The following NCOA2 variants were observed in gnomAD, a reference collection of about 807,000 sequenced individuals.
The protein encoded by NCOA2 is class E basic helix-loop-helix protein 75.
A neutral mutation model predicts 145.1 loss-of-function variants in NCOA2; 21 were observed. The observed-to-expected ratio is 0.14, with a 90% CI of 0.10 to 0.21. The LOEUF (loss-of-function observed/expected upper bound fraction) is 0.21, where lower values mean the gene tolerates loss of function less well. Ranked by LOEUF, NCOA2 falls within the 10% of genes least tolerant of loss-of-function variation. The pLI is 1.00. For synonymous variants in NCOA2, 619 were observed against 637.5 expected (o/e 0.97, Z 0.44); for missense variants, 1,472 against 1,837.6 (o/e 0.80, Z 3.64).
At chr8:70,254,017 T>A (rs1177543208) in intron 2 of NCOA2, among the ~76,000 whole-genome samples, 3 of 152,132 alleles carry the variant, frequency 2.0e-5, no homozygotes, top group South Asian at 4.1e-4. Flanking sequence ...ACATCCAGAA[T>A]ATATGAAGAA....
At chr8:70,402,626 G>A (rs897075316) in intron 1 of NCOA2, 5 of 151,714 alleles carry the variant, frequency 3.3e-5, no homozygotes, top group Admixed American at 1.3e-4. Flanking sequence ...CCGGGTCCCC[G>A]TGCCCGGGGC....
At position 70,148,398 on chromosome 8, in the gene NCOA2, G is replaced by C; in HGVS notation, c.2480C>G (p.Pro827Arg). 6.2e-7 allele frequency: 1 copy of C among 1,613,930 alleles called. No individual in the cohort carries two copies. Among genetic ancestry groups the C allele is most frequent in the Non-Finnish European group, 8.5e-7 (1 of 1,179,880 alleles). ...QLPQLFPDTR[P>R]GAPAGSVDKQ... The stretch of plus-strand genomic sequence containing the variant: ...GTCAACTGATCCAGCAGGGGCGCCT[G>C]GCCTCGTGTCTGGGAAAAGCTGTGG... The change falls in exon 12 of 23, where the codon CCA becomes CGA. Residue 827 changes from proline (P) to arginine (R), a missense_variant. Physicochemically the swap from Pro to Arg is moderately radical, Grantham distance 103. Coordinates refer to ENST00000452400, the MANE Select transcript of NCOA2 (RefSeq NM_006540.4).
chr8:70,117,550 TAG>T (rs1554559510), intron 22 of NCOA2, among the ~76,000 whole-genome samples: 1 of 152,190 alleles, frequency 6.6e-6, no homozygotes, highest in Non-Finnish European at 1.5e-5. Context: ...AAGATCTAAA[TAG>T]AGAAGGGAGT....
At chr8:70,329,686 GATAA>G (rs142686915) in intron 1 of NCOA2, among the ~76,000 whole-genome samples, 12,775 of 152,084 alleles carry the variant, frequency 0.084, 599 homozygotes, top group East Asian at 0.12. Context: ...TCATCAATAG[GATAA>G]ATAAATATTA....
intron 22 of NCOA2, among the ~76,000 whole-genome samples, chr8:70,114,798 G>A (rs1381993088): frequency 6.6e-6 from 1 of 152,168 alleles, no homozygotes; most frequent in Non-Finnish European, 1.5e-5. Context: ...AGATTAGAGA[G>A]GAAGCCAGCT....
At chr8:70,238,258 C>T (rs1013357696) in intron 2 of NCOA2, among the ~76,000 whole-genome samples, 17 of 152,098 alleles carry the variant, frequency 1.1e-4, no homozygotes, top group African/African-American at 3.4e-4. Flanking sequence ...ACAAGAGATG[C>T]CACACTGACA....
chr8:70,169,832 T>C (rs1814029230), intron 6 of NCOA2, among the ~76,000 whole-genome samples: 1 of 152,140 alleles, frequency 6.6e-6, no homozygotes, highest in Non-Finnish European at 1.5e-5. Flanking sequence ...TCTGAATCAT[T>C]TTCATGAATC....
rs756204161 is a variant in NCOA2, at chr8:70,159,472, A to G, written c.1124+33T>C. ...TTTGTAATATCTCCTCTTAACTTGG[A>G]AATGGAAAATGACTTCTTAGAACTA... is the stretch of plus-strand genomic sequence containing the variant. On this transcript the variant is annotated intron_variant, in intron 10 of 22. Coordinates refer to ENST00000452400, the MANE Select transcript of NCOA2 (RefSeq NM_006540.4). 4 of 1,520,950 alleles carry G rather than the reference A, an allele frequency of 2.6e-6. No homozygotes were observed. The South Asian group carries it at 4.9e-5, about 19-fold the overall frequency. 94.2% of individuals were successfully genotyped at this position (1,520,950 alleles called of 1,614,324 possible).
chr8:70,281,127 G>A (rs1458084640), intron 2 of NCOA2, among the ~76,000 whole-genome samples: 1 of 151,984 alleles, frequency 6.6e-6, no homozygotes, highest in East Asian at 1.9e-4. Flanking sequence ...GCCGAGGTGG[G>A]TGGATCACTT....
At chr8:70,381,096 G>GA (rs1355243924) in intron 1 of NCOA2, among the ~76,000 whole-genome samples, 1 of 151,630 alleles carries the variant, frequency 6.6e-6, no homozygotes, top group Admixed American at 6.6e-5. Context: ...ATGCCTATAG[G>GA]ATGAAAAGAT....
chr8:70,297,967 G>T (rs1827212680), intron 1 of NCOA2, among the ~76,000 whole-genome samples: 1 of 152,052 alleles, frequency 6.6e-6, no homozygotes, highest in Admixed American at 6.6e-5. Flanking sequence ...TGGCTTGATT[G>T]CTACTAGTAA....
At chr8:70,321,793 CTTTTTTTTTTTTT>C (rs559680322) in intron 1 of NCOA2, among the ~76,000 whole-genome samples, 14 of 73,568 alleles carry the variant, frequency 1.9e-4, no homozygotes, top group South Asian at 6.5e-4. Context: ...CAGAATATAC[CTTTTTTTTTTTTT>C]TTTTTTTTTT....
the NCOA2 span, among the ~76,000 whole-genome samples, chr8:70,439,139 T>C: frequency 6.6e-6 from 1 of 152,232 alleles, no homozygotes; most frequent in Admixed American, 6.5e-5. Flanking sequence ...TGCCTTTTTT[T>C]CCTTTTATCT....
chr8:70,373,536 G>A (rs11777780), intron 1 of NCOA2, among the ~76,000 whole-genome samples: 15,995 of 152,150 alleles, frequency 0.11, 1,285 homozygotes, highest in East Asian at 0.41. Flanking sequence ...ACAGCAGACA[G>A]CTTTATTTTT....
At chr8:70,153,542 G>A (rs73687612) in intron 11 of NCOA2, among the ~76,000 whole-genome samples, 8,270 of 152,158 alleles carry the variant, frequency 0.054, 749 homozygotes, top group African/African-American at 0.19. Context: ...GCCTAGGATA[G>A]AAATAAATCG....
chr8:70,353,512 G>A (rs1809427541), intron 1 of NCOA2, among the ~76,000 whole-genome samples: 1 of 148,248 alleles, frequency 6.7e-6, no homozygotes, highest in Non-Finnish European at 1.5e-5. Flanking sequence ...AGAGACCTTA[G>A]AAATCAAAAT....
chr8:70,203,982 AT>A (rs1818184460), intron 4 of NCOA2, among the ~76,000 whole-genome samples: 2 of 152,166 alleles, frequency 1.3e-5, no homozygotes, highest in South Asian at 4.1e-4. Flanking sequence ...AAAGTTCCTA[AT>A]AAAAAATTAT....
At chr8:70,145,566 C>T (rs929888721) in intron 12 of NCOA2, among the ~76,000 whole-genome samples, 2 of 151,730 alleles carry the variant, frequency 1.3e-5, no homozygotes, top group African/African-American at 4.8e-5. Context: ...TGTGACCCGC[C>T]TGCCTCGGCC....
At chr8:70,149,525 G>A (rs755806869) in intron 11 of NCOA2, among the ~76,000 whole-genome samples, 2 of 150,422 alleles carry the variant, frequency 1.3e-5, no homozygotes, top group Non-Finnish European at 3.0e-5. Flanking sequence ...ACAGGAGAGA[G>A]CCACCGTGCC....
Sources: allele counts gnomAD v4.1 joint callset (sites outside exome capture counted in the v4.1 genomes callset), GRCh38; gene constraint gnomAD v4.1.1; transcripts MANE v1.5; gene names NCBI Gene and HGNC (gene_info 2026-07-23, HGNC 2026-07-21).